The following MYLK variants were observed in gnomAD, a reference collection of about 807,000 sequenced individuals.
MYLK encodes the protein myosin light chain kinase, smooth muscle.
A neutral mutation model predicts 203.4 loss-of-function variants in MYLK; 106 were observed. The observed-to-expected ratio is 0.52, with a 90% confidence interval of 0.45 to 0.61. The LOEUF is 0.61. MYLK is among the 20% of genes least tolerant of loss of function. The pLI is 0.00. For missense variants in MYLK, 2,072 were observed against 2,442.3 expected, an observed-to-expected ratio of 0.85 and a Z score of 3.20; for synonymous variants, 867 against 959.5, an observed-to-expected ratio of 0.90 and a Z score of 1.78.
intron 28 of MYLK, chr3:123,638,765 C>T: frequency 1.0e-6 from 1 of 985,428 alleles, no homozygotes; most frequent in Non-Finnish European, 1.2e-6. Context: ...ACTCCTCACA[C>T]AGCTTCATGG....
At chr3:123,744,099 G>A (rs899797983) in intron 5 of MYLK, among the ~76,000 whole-genome samples, 2 of 152,118 alleles carry the variant, frequency 1.3e-5, no homozygotes, top group African/African-American at 4.8e-5. Flanking sequence ...ATATCCCCAT[G>A]CGACCCTGAT....
At chr3:123,691,168 C>T (rs40496) in intron 19 of MYLK, 145,445 of 152,238 alleles carry the variant, frequency 0.96, 69,852 homozygotes, top group East Asian at 1. Context: ...GAGTCCCAAA[C>T]GAGCAGAGGG....
Position 123,610,296 on chromosome 3 carries a change from G to T in MYLK, c.*3809C>A, listed in dbSNP as rs570222369. On this transcript the variant is annotated 3_prime_UTR_variant, in exon 34 of 34. Transcript: ENST00000360304. ...TACCATCCTGGTCACCACACATCCA[G>T]AACATGGTGATAAGCCTGTATCAGG... 3.3e-5 allele frequency: 5 copies of T among 152,164 alleles called. No homozygotes were observed. Among genetic ancestry groups the T allele is most frequent in the Admixed American group, 2.0e-4 (3 of 15,282 alleles). 9.4% of individuals were successfully genotyped at this position (152,164 alleles called of 1,614,324 possible).
At chr3:123,735,556 C>A in intron 8 of MYLK, 140 bp from the exon 9 acceptor site, 1 of 884,196 alleles carries the variant, frequency 1.1e-6, no homozygotes, top group Non-Finnish European at 1.9e-6. Flanking sequence ...CGTCTTTGGC[C>A]TTTGAACTCC....
chr3:123,776,277 C>T (rs1353527986), intron 4 of MYLK, among the ~76,000 whole-genome samples: 2 of 152,138 alleles, frequency 1.3e-5, no homozygotes, highest in Non-Finnish European at 2.9e-5. Flanking sequence ...TTGAATCTCA[C>T]AGATCAGGGA....
At chr3:123,727,074 T>C (rs1484838876) in intron 11 of MYLK, among the ~76,000 whole-genome samples, 1 of 152,170 alleles carries the variant, frequency 6.6e-6, no homozygotes, top group Admixed American at 6.5e-5. Context: ...TGTTATGAGG[T>C]TGTTCTCTTG....
Position 123,700,894 on chromosome 3 carries a change from C to G in MYLK, c.2574G>C (p.Gln858His), listed in dbSNP as rs763379876. 3 of 1,612,916 alleles carry G rather than the reference C, an allele frequency of 1.9e-6. No homozygotes were observed. The East Asian group carries it at 6.7e-5, about 36-fold the overall frequency. Residue 858 changes from glutamine to histidine, a missense_variant, in exon 18 of 34, where the codon CAG (glutamine) becomes CAC (histidine). Physicochemically the swap from Gln to His is conservative, Grantham distance 24. This residue lies in a region of MYLK where 865 missense variants were observed against 1,016.0 expected (regional missense o/e 0.85). Coordinates refer to ENST00000360304, the MANE Select transcript of MYLK (RefSeq NM_053025.4). ...SLRPGWPARG[Q>H]GWLEEEDGED... Reference sequence around the variant, plus strand: ...CGCCGTCTTCCTCCTCTAGCCAACCCTGCCCTCTTGCTGGCCAGCCAGGCC... The same window carrying G: ...CGCCGTCTTCCTCCTCTAGCCAACCGTGCCCTCTTGCTGGCCAGCCAGGCC...
intron 2 of MYLK, among the ~76,000 whole-genome samples, chr3:123,846,238 T>C (rs1299407756): frequency 6.6e-6 from 1 of 152,216 alleles, no homozygotes; most frequent in Non-Finnish European, 1.5e-5. Flanking sequence ...TATAAACTCA[T>C]TGTTTTATCA....
At chr3:123,738,808 T>C in intron 7 of MYLK, 89 bp downstream of exon 7, 1 of 1,511,236 alleles carries the variant, frequency 6.6e-7, no homozygotes, top group Non-Finnish European at 9.0e-7. Flanking sequence ...CTTTCCTTCA[T>C]AAATTACCCA....
rs767877538 is a variant in MYLK at position 123,793,723 on chromosome 3, C to T, written c.119G>A (p.Arg40Gln). The part of the protein sequence containing the change: ...TEAPAFILPP[R>Q]NLCIKEGATA... ...GGCTCCTTCTTTGATGCAGAGGTTC[C>T]GAGGGGGCAAAATGAAAGCAGGGGC... Residue 40 changes from arginine to glutamine, a missense_variant, in exon 4 of 34, where the codon CGG (arginine) becomes CAG (glutamine). Around this residue, in one of 3 missense-constraint regions of MYLK, gnomAD observed 683 missense variants for 643.8 expected, o/e 1.06. Transcript: ENST00000360304. 1.8e-5 allele frequency: 29 copies of T among 1,614,102 alleles called. No homozygotes were observed. The highest frequency in any genetic ancestry group is 6.7e-5 in the Admixed American group (4 of 60,016).
chr3:123,678,398 C>T (rs1175349550), intron 20 of MYLK, among the ~76,000 whole-genome samples: 3 of 152,252 alleles, frequency 2.0e-5, no homozygotes, highest in African/African-American at 7.2e-5. Context: ...CCCTCCTGCA[C>T]TTGTGAGTCA....
At chr3:123,661,755 A>ATGGACAAC (rs2059569521) in intron 23 of MYLK, among the ~76,000 whole-genome samples, 1 of 152,142 alleles carries the variant, frequency 6.6e-6, no homozygotes, top group Non-Finnish European at 1.5e-5. Context: ...AAACAGAAAT[A>ATGGACAAC]TGGACAACTG....
chr3:123,756,405 AG>A, intron 4 of MYLK, among the ~76,000 whole-genome samples: 1 of 152,288 alleles, frequency 6.6e-6, no homozygotes, highest in Admixed American at 6.5e-5. Flanking sequence ...AGACACCCCT[AG>A]GAGAGTCAGT....
chr3:123,884,311 G>A lies in MYLK; in HGVS notation c.-291C>T, dbSNP rs998998748. The stretch of plus-strand genomic sequence containing the variant: ...CGAGCTCGCTCAGCGCCCTGCTGCC[G>A]ACCGGGCGGCGCGGGGAGCCCGCGA... On this transcript the variant is annotated 5_prime_UTR_variant, in exon 1 of 34. Transcript: ENST00000360304. 3 of 147,008 alleles carry A rather than the reference G, an allele frequency of 2.0e-5. No homozygotes were observed. Among genetic ancestry groups the A allele is most frequent in the East Asian group, 4.0e-4 (2 of 4,954 alleles). The allele number at this position is 147,008 out of a possible 1,614,324, so 9.1% of individuals were successfully genotyped here. A position where few individuals can be genotyped will look rare whatever the true frequency, so the allele number is the denominator to read the frequency against.
At position 123,861,569 on chromosome 3, in the gene MYLK, T is replaced by A. The variant is rs146298511; in HGVS notation, c.-127+14990A>T. On this transcript the variant is annotated intron_variant, in intron 2 of 33. Transcript: ENST00000360304. ...TCTAGCATTAGTGTAACAACCCTTG[T>A]AGAAAGCATTTATCCATATGACTCT... 5.8e-4 allele frequency among the ~76,000 whole-genome samples: 89 copies of A among 152,364 alleles called. 1 individual carries two copies. Among genetic ancestry groups the A allele is most frequent in the Non-Finnish European group, 3.1e-4 (21 of 68,028 alleles).
At chr3:123,638,576 C>T (rs1003007662) in intron 28 of MYLK, among the ~76,000 whole-genome samples, 2 of 152,174 alleles carry the variant, frequency 1.3e-5, no homozygotes, top group Non-Finnish European at 2.9e-5. Context: ...GGCAGCTTTA[C>T]AAGGGTTCTC....
intron 4 of MYLK, among the ~76,000 whole-genome samples, chr3:123,765,193 T>G (rs1050719890): frequency 3.3e-5 from 5 of 152,172 alleles, no homozygotes; most frequent in African/African-American, 7.2e-5. Context: ...ATTCCACTTC[T>G]GAGCATATAC....
intron 24 of MYLK, among the ~76,000 whole-genome samples, chr3:123,654,123 G>A (rs1377866920): frequency 3.3e-5 from 5 of 151,992 alleles, no homozygotes; most frequent in African/African-American, 1.2e-4. Flanking sequence ...GCTGTCCCAG[G>A]AGCAGGCATC....
At chr3:123,735,608 C>A in intron 8 of MYLK, 192 bp from the exon 9 acceptor site, 1 of 622,292 alleles carries the variant, frequency 1.6e-6, no homozygotes, top group East Asian at 2.9e-5. Context: ...AGGTTCTGTC[C>A]TTTGGGCTTC....
Sources: allele counts gnomAD v4.1 joint callset (sites outside exome capture counted in the v4.1 genomes callset), GRCh38; gene constraint gnomAD v4.1.1; regional missense constraint gnomAD v4.1.1; transcripts MANE v1.5; gene names NCBI Gene and HGNC (gene_info 2026-07-23, HGNC 2026-07-21).